KATNIP: variants seen among roughly 807,000 people sequenced by gnomAD.
KATNIP encodes the protein katanin interacting protein, also known as katanin-interacting protein.
In KATNIP, 126 loss-of-function variants were observed where a neutral mutation model predicts 174.0. That is an observed-to-expected ratio of 0.72 (90% CI 0.63 to 0.84). The LOEUF (loss-of-function observed/expected upper bound fraction) is 0.84. KATNIP is among the 40% of genes least tolerant of loss of function. KATNIP has a pLI of 0.00. For missense variants in KATNIP, 1,958 were observed against 2,109.7 expected (o/e 0.93, Z 1.41); for synonymous variants, 810 against 835.7 (o/e 0.97, Z 0.53).
At chr16:27,656,419 G>GAAAAA (rs927275425) in intron 6 of KATNIP, among the ~76,000 whole-genome samples, 1 of 34,434 alleles carries the variant, frequency 2.9e-5, no homozygotes, top group Admixed American at 2.9e-4. Context: ...CTCTGTCTCA[G>GAAAAA]AAAAAAAAAA....
chr16:27,564,734 C>T (rs2090018858), intron 1 of KATNIP, among the ~76,000 whole-genome samples: 2 of 151,558 alleles, frequency 1.3e-5, no homozygotes, highest in African/African-American at 4.9e-5. Flanking sequence ...GTTGCAGAGC[C>T]GGTGTCTGCC....
intron 20 of KATNIP, among the ~76,000 whole-genome samples, chr16:27,767,978 C>G (rs1205557884): frequency 1.3e-5 from 2 of 152,178 alleles, no homozygotes; most frequent in African/African-American, 4.8e-5. Context: ...CACAGTCTGT[C>G]TGGTAGAGCT....
In KATNIP at chr16:27,629,293, T is replaced by C. The variant is rs545497666; in HGVS notation, c.310+463T>C. ...AATGAGAAAGAGAAATCCTGTTTTA[T>C]TCCTGTTTAAACTAGTCTTGGCCTC... On this transcript the variant is annotated intron_variant, in intron 4 of 27. Coordinates refer to ENST00000261588, the MANE Select transcript of KATNIP (RefSeq NM_015202.5). Among the ~76,000 whole-genome samples the C allele has an allele frequency of 1.2e-4, 18 of 152,328 alleles. 1 individual carries two copies. In the South Asian group the frequency reaches 3.7e-3, roughly 32 times the overall value.
chr16:27,551,710 C>T (rs1337997067), intron 1 of KATNIP, among the ~76,000 whole-genome samples: 3 of 152,108 alleles, frequency 2.0e-5, no homozygotes, highest in Non-Finnish European at 2.9e-5. Flanking sequence ...CATGGTGAAA[C>T]CTTGTCTCTA....
chr16:27,701,556 A>C, intron 10 of KATNIP, 33 bp from the exon 11 acceptor site: 16 of 1,518,272 alleles, frequency 1.1e-5, no homozygotes, highest in Non-Finnish European at 1.4e-5. Context: ...GTGTTGCCTG[A>C]GACATCTGTT....
intron 14 of KATNIP, among the ~76,000 whole-genome samples, chr16:27,726,930 C>A (rs920768067): frequency 2.0e-5 from 3 of 152,190 alleles, no homozygotes; most frequent in African/African-American, 4.8e-5. Context: ...TGTGGGCCAG[C>A]AGGTTTGGAT....
At chr16:27,559,529 TA>T (rs2089769175) in intron 1 of KATNIP, among the ~76,000 whole-genome samples, 1 of 150,706 alleles carries the variant, frequency 6.6e-6, no homozygotes, top group Non-Finnish European at 1.5e-5. Flanking sequence ...AAAAAATTGT[TA>T]AAAATTATTT....
chr16:27,777,515 GAGAAAGC>G lies in KATNIP; in HGVS notation c.4552-94_4552-88del. 1 of 1,245,860 alleles carries G rather than the reference GAGAAAGC, an allele frequency of 8.0e-7. No homozygotes were observed. Among genetic ancestry groups the G allele is most frequent in the Non-Finnish European group, 1.1e-6 (1 of 905,368 alleles). The allele number at this position is 1,245,860 out of a possible 1,614,324, so 77.2% of individuals were successfully genotyped here. On this transcript the variant is annotated intron_variant, in intron 25 of 27. Transcript: ENST00000261588. The surrounding 1 kb of genome is among the most constrained non-coding windows in gnomAD (Gnocchi z 4.4). ...TTCCTGACAGCCCCGTCTTCCCGAGGAGAAAGCCTTGGCTCAGAGCAGTAACGCGTTC... is the reference window on the plus strand; with the variant it reads ...TTCCTGACAGCCCCGTCTTCCCGAGGCTTGGCTCAGAGCAGTAACGCGTTC...
At position 27,769,990 on chromosome 16, in the gene KATNIP, G is replaced by GC; in HGVS notation, c.4106dup (p.Gln1370SerfsTer56). 1 of 1,613,970 alleles carries GC rather than the reference G, an allele frequency of 6.2e-7. No homozygotes were observed. Among genetic ancestry groups the GC allele is most frequent in the Non-Finnish European group, 8.5e-7 (1 of 1,179,830 alleles). On this transcript the variant is annotated frameshift_variant, in exon 21 of 28. Coordinates refer to ENST00000261588, the MANE Select transcript of KATNIP (RefSeq NM_015202.5). LOFTEE classifies it high-confidence loss of function. Reference sequence around the variant, plus strand: ...AATCCTCTTCGTGGACTACCTACGGGCTCAGCTGCTGCCCCAGCCGGCCAG... The same window carrying GC: ...AATCCTCTTCGTGGACTACCTACGGGCCTCAGCTGCTGCCCCAGCCGGCCAG...
intron 6 of KATNIP, among the ~76,000 whole-genome samples, chr16:27,665,933 T>C (rs932726949): frequency 2.0e-5 from 3 of 152,164 alleles, no homozygotes; most frequent in East Asian, 1.9e-4. Context: ...AGTTTCCTTT[T>C]CCTTTAGTTC....
intron 23 of KATNIP, among the ~76,000 whole-genome samples, chr16:27,774,740 C>T (rs1457450561): frequency 6.6e-6 from 1 of 152,174 alleles, no homozygotes; most frequent in Non-Finnish European, 1.5e-5. Context: ...TTGAAACTGA[C>T]CACCTCTCCA....
intron 2 of KATNIP, among the ~76,000 whole-genome samples, chr16:27,608,399 CTTTTTT>C (rs11374534): frequency 1.8e-4 from 18 of 97,558 alleles, no homozygotes; most frequent in Non-Finnish European, 5.7e-5. Flanking sequence ...ACTGGTGAAT[CTTTTTT>C]TTTTTTTTTT....
chr16:27,756,356 T>A (rs1404413940), intron 18 of KATNIP, among the ~76,000 whole-genome samples: 1 of 152,218 alleles, frequency 6.6e-6, no homozygotes, highest in East Asian at 1.9e-4. Flanking sequence ...GAGGCTTGGT[T>A]TCATCTCCCA....
At chr16:27,620,361 G>A (rs985701273) in intron 3 of KATNIP, among the ~76,000 whole-genome samples, 1 of 152,130 alleles carries the variant, frequency 6.6e-6, no homozygotes, top group Non-Finnish European at 1.5e-5. Flanking sequence ...CCATATGCCC[G>A]GCACCTCAAC....
At chr16:27,603,573 C>G (rs1164714786) in intron 2 of KATNIP, among the ~76,000 whole-genome samples, 1 of 151,178 alleles carries the variant, frequency 6.6e-6, no homozygotes, top group African/African-American at 2.4e-5. Context: ...GAAGAGGGAG[C>G]CCCTCCCCTT....
chr16:27,640,677 ATTTT>A (rs11320678), intron 5 of KATNIP, among the ~76,000 whole-genome samples: 3 of 122,074 alleles, frequency 2.5e-5, no homozygotes, highest in African/African-American at 6.2e-5. Flanking sequence ...TTGGTTTTTA[ATTTT>A]TTTTTTTTTT....
intron 1 of KATNIP, 122 bp downstream of exon 1, chr16:27,550,299 C>A: frequency 1.7e-6 from 2 of 1,146,836 alleles, no homozygotes; most frequent in African/African-American, 1.5e-5. Flanking sequence ...CCAAGGGGGT[C>A]TCCGAAATGA....
chr16:27,694,269 G>A (rs933613403), intron 8 of KATNIP, among the ~76,000 whole-genome samples: 2 of 152,142 alleles, frequency 1.3e-5, no homozygotes, highest in Admixed American at 1.3e-4. Flanking sequence ...CTAATGGGGC[G>A]TAGCAAGAGA....
intron 13 of KATNIP, among the ~76,000 whole-genome samples, chr16:27,721,286 T>C (rs1028093674): frequency 1.3e-5 from 2 of 152,192 alleles, no homozygotes; most frequent in Admixed American, 6.5e-5. Context: ...GCCCGCTGCA[T>C]TTTAAATTCC....
Sources: gnomAD v4.1 joint callset for allele counts (sites outside exome capture counted in the v4.1 genomes callset) on GRCh38, gnomAD v4.1.1 for gene constraint, Gnocchi (gnomAD v3.1) non-coding constraint, MANE v1.5 for transcripts, NCBI Gene and HGNC (gene_info 2026-07-23, HGNC 2026-07-21) for gene names.